FABP6: variants seen among roughly 807,000 people sequenced by gnomAD.
FABP6 encodes the protein gastrotropin.
In FABP6, 13 loss-of-function variants were observed where a neutral mutation model predicts 14.9. That is an observed-to-expected ratio of 0.87 (90% CI 0.57 to 1.39). The LOEUF is 1.39. FABP6 is among the 40% of genes most tolerant of loss of function. The probability of loss-of-function intolerance (pLI) is 0.00; values close to 1 mark genes in which losing one functional copy is unlikely to be tolerated. For synonymous variants in FABP6, 75 were observed against 63.6 expected (o/e 1.18, Z -0.85); for missense variants, 161 against 167.2 (o/e 0.96, Z 0.20).
rs769949477 is a variant in FABP6 at position 160,234,849 on chromosome 5, G to T, written c.273G>T (p.Leu91=). 1.2e-6 allele frequency: 2 copies of T among 1,611,374 alleles called. No individual in the cohort carries two copies. The highest frequency in any genetic ancestry group is 2.2e-5 in the South Asian group (2 of 90,480). The change falls in exon 3 of 4, where the codon CTG becomes CTT. Residue 91 remains leucine, a synonymous_variant. Coordinates refer to ENST00000402432, the MANE Select transcript of FABP6 (RefSeq NM_001445.3). ...KATVQMEGGK[L]VVNFPNYHQT... ...CTGTGCAGATGGAGGGCGGGAAGCTGGTGGTGAATTTCCCCAACTATCACC... is the reference window on the plus strand; with the variant it reads ...CTGTGCAGATGGAGGGCGGGAAGCTTGTGGTGAATTTCCCCAACTATCACC...
intron 2 of FABP6, among the ~76,000 whole-genome samples, chr5:160,203,518 A>G (rs1759690774): frequency 1.3e-5 from 2 of 152,132 alleles, no homozygotes; most frequent in Admixed American, 6.5e-5. Context: ...AATTTTATTT[A>G]ACGATGCTCA....
intron 2 of FABP6, among the ~76,000 whole-genome samples, chr5:160,200,401 A>T (rs1262702479): frequency 7.3e-6 from 1 of 137,728 alleles, no homozygotes; most frequent in Non-Finnish European, 1.5e-5. Context: ...ACGCCCGTTG[A>T]GTCCTTTTTT....
chr5:160,223,582 T>C (rs1760179849), intron 3 of FABP6, among the ~76,000 whole-genome samples: 1 of 151,412 alleles, frequency 6.6e-6, no homozygotes, highest in African/African-American at 2.4e-5. Flanking sequence ...CCACCACACT[T>C]GGCTAATTTA....
intron 1 of FABP6, 96 bp from the exon 2 acceptor site, chr5:160,232,002 G>A (rs770049614): frequency 1.6e-5 from 23 of 1,401,580 alleles, no homozygotes; most frequent in Non-Finnish European, 2.1e-5. Flanking sequence ...ATGCACAAGG[G>A]GGTAGGGCGG....
chr5:160,214,680 G>A (rs1214809559), intron 3 of FABP6, among the ~76,000 whole-genome samples: 1 of 151,924 alleles, frequency 6.6e-6, no homozygotes, highest in Non-Finnish European at 1.5e-5. Flanking sequence ...CTGGCCAGGT[G>A]CAGTGTCTTA....
intron 1 of FABP6, among the ~76,000 whole-genome samples, chr5:160,189,310 C>G (rs374954357): frequency 6.6e-6 from 1 of 152,056 alleles, no homozygotes; most frequent in East Asian, 1.9e-4. Context: ...GGCAGGATAT[C>G]GGTTCACTGC....
At chr5:160,207,754 G>A (rs1445107256) in intron 2 of FABP6, among the ~76,000 whole-genome samples, 1 of 139,696 alleles carries the variant, frequency 7.2e-6, no homozygotes. Flanking sequence ...ATGAAGTCTC[G>A]CTTTTGTCCC....
At chr5:160,237,920 T>C (rs1231869522) in intron 3 of FABP6, among the ~76,000 whole-genome samples, 3 of 152,162 alleles carry the variant, frequency 2.0e-5, no homozygotes, top group Non-Finnish European at 4.4e-5. Flanking sequence ...CCTCCTGTTA[T>C]CTAGTCAGTG....
At position 160,229,633 on chromosome 5, in the gene FABP6, G is replaced by A. The variant is rs1464591585; in HGVS notation, c.67+9G>A. 6.2e-7 allele frequency: 1 copy of A among 1,613,470 alleles called. No homozygotes were observed. Among genetic ancestry groups the A allele is most frequent in the South Asian group, 1.1e-5 (1 of 91,016 alleles). ...GTTCATGAAGCTCCTTGGTGAGTGA[G>A]CTCCTGGGTATCCCTTCCTCGGGGT... On this transcript the variant is annotated intron_variant, in intron 1 of 3. Transcript: ENST00000402432.
chr5:160,214,058 A>G (rs1158036184), intron 3 of FABP6, among the ~76,000 whole-genome samples: 1 of 152,060 alleles, frequency 6.6e-6, no homozygotes, highest in African/African-American at 2.4e-5. Flanking sequence ...TTTTTAACCT[A>G]AGCTAGCTCA....
chr5:160,230,623 A>T (rs145216133), intron 1 of FABP6, among the ~76,000 whole-genome samples: 2 of 152,054 alleles, frequency 1.3e-5, no homozygotes, highest in South Asian at 4.1e-4. Context: ...CGGCCTCCCA[A>T]AATGCTGGGA....
At chr5:160,195,283 CAAAAAAAAAAAA>C (rs57229719) in intron 1 of FABP6, among the ~76,000 whole-genome samples, 23 of 63,566 alleles carry the variant, frequency 3.6e-4, no homozygotes, top group Non-Finnish European at 5.5e-4. Context: ...GACTCTGTCT[CAAAAAAAAAAAA>C]AAAAAAAAAA....
chr5:160,192,559 T>C (rs1759418215), intron 1 of FABP6, among the ~76,000 whole-genome samples: 1 of 152,196 alleles, frequency 6.6e-6, no homozygotes, highest in African/African-American at 2.4e-5. Flanking sequence ...CCCCTCTCTA[T>C]GGGAAATCAT....
chr5:160,213,727 C>T (rs749345788), intron 2 of FABP6: 4 of 1,613,552 alleles, frequency 2.5e-6, no homozygotes, highest in Non-Finnish European at 3.4e-6. Context: ...TATTTCTCTT[C>T]TGACTCAGGT....
intron 2 of FABP6, among the ~76,000 whole-genome samples, chr5:160,233,390 G>C (rs953125461): frequency 6.6e-6 from 1 of 152,036 alleles, no homozygotes; most frequent in African/African-American, 2.4e-5. Context: ...AGCAATTGTA[G>C]GGCCTTGGGC....
At chr5:160,206,702 G>A (rs1368245763) in intron 2 of FABP6, among the ~76,000 whole-genome samples, 2 of 152,176 alleles carry the variant, frequency 1.3e-5, no homozygotes, top group Admixed American at 6.5e-5. Context: ...GCCACAAAGT[G>A]CATACCCACA....
chr5:160,192,357 C>T (rs1404018364), intron 1 of FABP6, among the ~76,000 whole-genome samples: 2 of 152,130 alleles, frequency 1.3e-5, no homozygotes, highest in African/African-American at 2.4e-5. Context: ...CCTGTGTTCT[C>T]CTGTTTCCAG....
At chr5:160,202,573 A>G (rs1470213322) in intron 2 of FABP6, among the ~76,000 whole-genome samples, 2 of 152,068 alleles carry the variant, frequency 1.3e-5, no homozygotes, top group African/African-American at 4.8e-5. Context: ...AAGGCAGGCA[A>G]ATCACGAGGT....
At chr5:160,199,824 A>G (rs1759598393) in intron 2 of FABP6, among the ~76,000 whole-genome samples, 1 of 152,182 alleles carries the variant, frequency 6.6e-6, no homozygotes, top group African/African-American at 2.4e-5. Context: ...CCCCCGCACC[A>G]GCCCAGAGCA....
Sources: allele counts gnomAD v4.1 joint callset (sites outside exome capture counted in the v4.1 genomes callset), GRCh38; gene constraint gnomAD v4.1.1; transcripts MANE v1.5; gene names NCBI Gene and HGNC (gene_info 2026-07-23, HGNC 2026-07-21).